Variants in ACSS3 observed in about 807,000 individuals in gnomAD.
ACSS3 encodes the protein acyl-CoA synthetase short chain family member 3.
In ACSS3, 64 loss-of-function variants were observed where a neutral mutation model predicts 84.2. The observed-to-expected ratio is 0.76, with a 90% confidence interval of 0.62 to 0.94. The LOEUF (loss-of-function observed/expected upper bound fraction) is 0.94, where lower values mean the gene tolerates loss of function less well. ACSS3 is among the 40% of genes least tolerant of loss of function. The pLI is 0.00. For synonymous variants in ACSS3, 317 were observed against 310.1 expected (o/e 1.02, Z -0.23); for missense variants, 815 against 867.6 (o/e 0.94, Z 0.76).
chr12:81,087,052 C>T (rs1881365345), intron 1 of ACSS3, among the ~76,000 whole-genome samples: 1 of 151,934 alleles, frequency 6.6e-6, no homozygotes, highest in Non-Finnish European at 1.5e-5. Flanking sequence ...TTTATAATAT[C>T]TTAGGAAAAT....
intron 7 of ACSS3, among the ~76,000 whole-genome samples, chr12:81,161,381 T>C (rs1432421557): frequency 6.6e-6 from 1 of 152,218 alleles, no homozygotes; most frequent in Non-Finnish European, 1.5e-5. Flanking sequence ...GTGAGTTAAA[T>C]AAAAGTGAAC....
intron 2 of ACSS3, 81 bp from the exon 3 acceptor site, chr12:81,134,735 C>A: frequency 7.7e-7 from 1 of 1,297,270 alleles, no homozygotes; most frequent in Non-Finnish European, 1.0e-6. Flanking sequence ...GGGTGATCAG[C>A]TTCTAATATT....
At chr12:81,178,797 T>C (rs554829559) in intron 8 of ACSS3, among the ~76,000 whole-genome samples, 1 of 152,204 alleles carries the variant, frequency 6.6e-6, no homozygotes, top group South Asian at 2.1e-4. Flanking sequence ...AAAAAACTAT[T>C]CTACAATTCA....
intron 8 of ACSS3, among the ~76,000 whole-genome samples, chr12:81,191,326 TC>T (rs1203126499): frequency 6.6e-6 from 1 of 152,112 alleles, no homozygotes; most frequent in Non-Finnish European, 1.5e-5. Context: ...CCACCTGTTA[TC>T]CCCCTCTTCC....
At chr12:81,152,191 G>A (rs1356234876) in intron 7 of ACSS3, 95 bp downstream of exon 7, 1 of 841,430 alleles carries the variant, frequency 1.2e-6, no homozygotes, top group Non-Finnish European at 1.8e-6. Flanking sequence ...AAATTGGGGT[G>A]GGGACAGGGG....
At chr12:81,229,699 C>A (rs1032234651) in intron 11 of ACSS3, among the ~76,000 whole-genome samples, 5 of 151,854 alleles carry the variant, frequency 3.3e-5, no homozygotes, top group African/African-American at 1.2e-4. Context: ...GATTATTTTA[C>A]AGATTAATTA....
At chr12:81,182,205 C>T (rs1210241670) in intron 8 of ACSS3, among the ~76,000 whole-genome samples, 1 of 152,134 alleles carries the variant, frequency 6.6e-6, no homozygotes, top group South Asian at 2.1e-4. Flanking sequence ...TAGCAGATTT[C>T]TCAGTAGAAG....
intron 7 of ACSS3, among the ~76,000 whole-genome samples, chr12:81,162,384 G>T (rs1001498752): frequency 1.5e-4 from 23 of 152,134 alleles, no homozygotes; most frequent in African/African-American, 5.6e-4. Context: ...ATCCCATTGA[G>T]TCTGCAGCCC....
At chr12:81,175,035 A>T in intron 8 of ACSS3, 96 bp downstream of exon 8, 1 of 1,325,280 alleles carries the variant, frequency 7.5e-7, no homozygotes, top group Non-Finnish European at 1.0e-6. Flanking sequence ...ATACTCTTAT[A>T]GGAAGAGCCA....
intron 9 of ACSS3, among the ~76,000 whole-genome samples, chr12:81,209,115 A>G (rs2032477622): frequency 6.6e-6 from 1 of 151,692 alleles, no homozygotes; most frequent in Non-Finnish European, 1.5e-5. Context: ...TATTTTTTTT[A>G]GGCCCCTGAT....
intron 8 of ACSS3, 86 bp downstream of exon 8, chr12:81,175,025 A>G: frequency 6.8e-7 from 1 of 1,467,068 alleles, no homozygotes; most frequent in Non-Finnish European, 9.2e-7. Context: ...TGGTACTGGA[A>G]TACTCTTATA....
intron 1 of ACSS3, among the ~76,000 whole-genome samples, chr12:81,102,290 G>T (rs909412407): frequency 6.6e-6 from 1 of 152,014 alleles, no homozygotes; most frequent in African/African-American, 2.4e-5. Flanking sequence ...TAGACTTTCC[G>T]GAAGTCATAT....
chr12:81,165,938 T>C (rs1887382395), intron 7 of ACSS3, among the ~76,000 whole-genome samples: 1 of 152,316 alleles, frequency 6.6e-6, no homozygotes, highest in Admixed American at 6.5e-5. Context: ...TTCTAAGCAC[T>C]TTTTATACAT....
intron 1 of ACSS3, among the ~76,000 whole-genome samples, chr12:81,078,676 C>G (rs11114749): frequency 0.4 from 60,993 of 151,998 alleles, 14,568 homozygotes; most frequent in Non-Finnish European, 0.55. Context: ...ACCTGACTGG[C>G]AAGGTTCTGC....
At chr12:81,181,152 C>T (rs944203410) in intron 8 of ACSS3, among the ~76,000 whole-genome samples, 9 of 152,140 alleles carry the variant, frequency 5.9e-5, no homozygotes, top group Non-Finnish European at 1.0e-4. Flanking sequence ...TCAGCTAAGA[C>T]TTCCCAGTGT....
At chr12:81,231,815 G>T (rs757761214) in intron 12 of ACSS3, among the ~76,000 whole-genome samples, 1 of 151,564 alleles carries the variant, frequency 6.6e-6, no homozygotes, top group Non-Finnish European at 1.5e-5. Context: ...CATTAATAAA[G>T]CACATCAGGT....
intron 7 of ACSS3, among the ~76,000 whole-genome samples, chr12:81,171,088 A>G (rs191510574): frequency 6.4e-4 from 98 of 152,306 alleles, no homozygotes; most frequent in Non-Finnish European, 8.4e-4. Flanking sequence ...TATATTATGC[A>G]ATTTCTAATA....
At chr12:81,206,657 C>T (rs2032364265) in intron 9 of ACSS3, among the ~76,000 whole-genome samples, 1 of 151,954 alleles carries the variant, frequency 6.6e-6, no homozygotes. Context: ...ATTATTGTTG[C>T]CTGGCAACAG....
chr12:81,166,767 A>G (rs563730606), intron 7 of ACSS3, among the ~76,000 whole-genome samples: 5 of 152,276 alleles, frequency 3.3e-5, no homozygotes, highest in African/African-American at 1.2e-4. Context: ...GTTGTTTTGG[A>G]CAAAGAATTG....
Sources: gnomAD v4.1 joint callset for allele counts (sites outside exome capture counted in the v4.1 genomes callset) on GRCh38, gnomAD v4.1.1 for gene constraint, MANE v1.5 for transcripts, NCBI Gene and HGNC (gene_info 2026-07-23, HGNC 2026-07-21) for gene names.